Variants in CEP83 observed in about 807,000 individuals in gnomAD.
CEP83 encodes centrosomal protein of 83 kDa.
CEP83 carries 70 observed loss-of-function variants against 101.9 expected under a neutral mutation model. The observed-to-expected ratio is 0.69, with a 90% CI of 0.57 to 0.84. The LOEUF (loss-of-function observed/expected upper bound fraction) is 0.84. Ranked by LOEUF, CEP83 falls within the 40% of genes least tolerant of loss-of-function variation. The pLI, the probability that CEP83 is intolerant of heterozygous loss-of-function variation, is 0.00. For synonymous variants in CEP83, 264 were observed against 267.9 expected (o/e 0.99, Z 0.14); for missense variants, 715 against 787.2 (o/e 0.91, Z 1.10).
At chr12:94,373,291 G>T (rs1387202434) in intron 8 of CEP83, among the ~76,000 whole-genome samples, 1 of 152,142 alleles carries the variant, frequency 6.6e-6, no homozygotes, top group African/African-American at 2.4e-5. Flanking sequence ...TGACACAATG[G>T]AAGTATTCAG....
At chr12:94,341,250 A>G (rs1029337115) in intron 11 of CEP83, among the ~76,000 whole-genome samples, 1 of 152,224 alleles carries the variant, frequency 6.6e-6, no homozygotes, top group African/African-American at 2.4e-5. Context: ...TATATAATTA[A>G]TAAAGGATCT....
chr12:94,399,255 G>A (rs572072570), intron 6 of CEP83, among the ~76,000 whole-genome samples: 1 of 152,164 alleles, frequency 6.6e-6, no homozygotes, highest in African/African-American at 2.4e-5. Context: ...AATATGTGAC[G>A]GCACCCCCAG....
chr12:94,293,810 G>C, the CEP83 span, among the ~76,000 whole-genome samples: 4 of 152,072 alleles, frequency 2.6e-5, no homozygotes, highest in Non-Finnish European at 5.9e-5. Flanking sequence ...TTTATACAGA[G>C]GGATCTCCCT....
intron 6 of CEP83, among the ~76,000 whole-genome samples, chr12:94,382,941 T>A (rs2061931334): frequency 6.6e-6 from 1 of 152,068 alleles, no homozygotes; most frequent in Non-Finnish European, 1.5e-5. Flanking sequence ...AATTGTTCTA[T>A]CACTTGTTGA....
rs58864740 is a variant in CEP83 at position 94,313,527 on chromosome 12, TAA to T, written c.1708-512_1708-511del. Among the ~76,000 whole-genome samples, 716 of 95,688 alleles carry T rather than the reference TAA, an allele frequency of 7.5e-3. 5 individuals carry two copies. Among genetic ancestry groups the T allele is most frequent in the African/African-American group, 0.022 (529 of 24,204 alleles). The allele number at this position is 95,688 out of a possible 152,430, so 62.8% of individuals were successfully genotyped here. A position where few individuals can be genotyped will look rare whatever the true frequency, so the allele number is the denominator to read the frequency against. On this transcript the variant is annotated intron_variant, in intron 14 of 16. Coordinates refer to ENST00000397809, the MANE Select transcript of CEP83 (RefSeq NM_016122.3). ...CCTGGACAACAGATCAAGAACCCATTAAAAAAAAAAAAAAAAAAAAAGGGTGG... is the reference window on the plus strand; with the variant it reads ...CCTGGACAACAGATCAAGAACCCATTAAAAAAAAAAAAAAAAAAAGGGTGG...
In CEP83 at chr12:94,331,798, C is replaced by T; in HGVS notation, c.1609G>A (p.Glu537Lys). 1.2e-6 allele frequency: 2 copies of T among 1,613,158 alleles called. No homozygotes were observed. The highest frequency in any genetic ancestry group is 1.7e-6 in the Non-Finnish European group (2 of 1,179,090). The change falls in exon 14 of 17, where the codon GAA becomes AAA. Residue 537 changes from glutamate to lysine, a missense_variant. Glu to Lys is a moderately conservative substitution (Grantham distance 56, BLOSUM62 1). Transcript: ENST00000397809. ...TLEEKQIQWL[E>K]EKHKLHERIT... ...CGCTCATGAAGCTTATGCTTTTCTT[C>T]CAACCACTGTATCTGTTTCTCTTCC...
chr12:94,397,242 T>C (rs1407764576), intron 6 of CEP83, among the ~76,000 whole-genome samples: 1 of 152,236 alleles, frequency 6.6e-6, no homozygotes, highest in Non-Finnish European at 1.5e-5. Flanking sequence ...TCACCACCTG[T>C]AATCCCTGAA....
chr12:94,389,433 C>G, intron 6 of CEP83, among the ~76,000 whole-genome samples: 1 of 152,124 alleles, frequency 6.6e-6, no homozygotes, highest in East Asian at 1.9e-4. Context: ...TTTCAAGTTC[C>G]CAGATCTTAG....
chr12:94,385,804 T>C (rs1379088806), intron 6 of CEP83, among the ~76,000 whole-genome samples: 1 of 152,200 alleles, frequency 6.6e-6, no homozygotes, highest in Admixed American at 6.5e-5. Flanking sequence ...GAAGTTTCAG[T>C]CAACAACAGT....
At chr12:94,347,267 GA>G (rs2059986143) in intron 11 of CEP83, among the ~76,000 whole-genome samples, 1 of 151,776 alleles carries the variant, frequency 6.6e-6, no homozygotes. Context: ...TATTTGAACA[GA>G]AACTTCACAA....
intron 11 of CEP83, among the ~76,000 whole-genome samples, chr12:94,342,095 G>C (rs933842878): frequency 6.6e-6 from 1 of 152,180 alleles, no homozygotes; most frequent in African/African-American, 2.4e-5. Context: ...ATCTATTACA[G>C]ATTCATGCTT....
intron 6 of CEP83, among the ~76,000 whole-genome samples, chr12:94,383,884 C>T (rs749387119): frequency 6.6e-6 from 1 of 151,880 alleles, no homozygotes; most frequent in Middle Eastern, 3.2e-3. Context: ...CTTTTATATC[C>T]CTTTGTCCTT....
rs2059325029 is a variant in CEP83, at chr12:94,333,471, G to A, written c.1577+11C>T. 6.2e-7 allele frequency: 1 copy of A among 1,609,454 alleles called. No individual in the cohort carries two copies. The highest frequency in any genetic ancestry group is 8.5e-7 in the Non-Finnish European group (1 of 1,178,264). On this transcript the variant is annotated intron_variant, in intron 13 of 16. Coordinates refer to ENST00000397809, the MANE Select transcript of CEP83 (RefSeq NM_016122.3). ...AGAAAAAATAGTTTGTACATAAAGA[G>A]CAAACTCTACTTTTCAGCTTCTAGT...
chr12:94,288,567 C>A, the CEP83 span, among the ~76,000 whole-genome samples: 1 of 152,232 alleles, frequency 6.6e-6, no homozygotes, highest in African/African-American at 2.4e-5. Context: ...AAGCCCTCCC[C>A]TGGATGTCCA....
At chr12:94,447,025 C>A (rs553837352) in intron 1 of CEP83, among the ~76,000 whole-genome samples, 42 of 152,078 alleles carry the variant, frequency 2.8e-4, no homozygotes, top group Non-Finnish European at 5.3e-4. Context: ...ATGGAAAAAA[C>A]AAATTTTTTT....
intron 2 of CEP83, among the ~76,000 whole-genome samples, chr12:94,432,885 A>G (rs777826300): frequency 3.3e-5 from 5 of 152,202 alleles, no homozygotes; most frequent in African/African-American, 1.2e-4. Flanking sequence ...TTAAAAAGAG[A>G]GGAACTTCAA....
At chr12:94,420,739 A>T (rs1593909664) in intron 2 of CEP83, among the ~76,000 whole-genome samples, 1 of 152,190 alleles carries the variant, frequency 6.6e-6, no homozygotes, top group East Asian at 1.9e-4. Flanking sequence ...AATATTACAG[A>T]CATATTGTCC....
intron 4 of CEP83, among the ~76,000 whole-genome samples, chr12:94,405,362 A>AT (rs1226278125): frequency 6.6e-6 from 1 of 152,258 alleles, no homozygotes; most frequent in Non-Finnish European, 1.5e-5. Context: ...ATAGAGATAT[A>AT]TACTCAATTA....
At chr12:94,328,234 T>A (rs558135458) in intron 14 of CEP83, 69 of 302,484 alleles carry the variant, frequency 2.3e-4, no homozygotes, top group African/African-American at 1.3e-3. Context: ...CTCTCTTCAA[T>A]GGGGGTGGGG....
Sources: gnomAD v4.1 joint callset for allele counts (sites outside exome capture counted in the v4.1 genomes callset) on GRCh38, gnomAD v4.1.1 for gene constraint, MANE v1.5 for transcripts, NCBI Gene and HGNC (gene_info 2026-07-23, HGNC 2026-07-21) for gene names.